Variants in KCND3 observed in about 807,000 individuals in gnomAD.
The protein encoded by KCND3 is potassium voltage-gated channel subfamily D member 3, also known as A-type voltage-gated potassium channel KCND3.
A neutral mutation model predicts 51.1 loss-of-function variants in KCND3; 9 were observed. The observed-to-expected ratio is 0.18, with a 90% CI of 0.11 to 0.31. KCND3 has a LOEUF of 0.31. Among genes scored for constraint, KCND3 ranks in the 10% least tolerant of loss-of-function variants. The pLI is 1.00. For synonymous variants in KCND3, 349 were observed against 368.0 expected, an observed-to-expected ratio of 0.95 and a Z score of 0.59; for missense variants, 526 against 903.8, an observed-to-expected ratio of 0.58 and a Z score of 5.36.
intron 2 of KCND3, among the ~76,000 whole-genome samples, chr1:111,978,021 G>C (rs926969579): frequency 5.3e-5 from 8 of 152,152 alleles, no homozygotes; most frequent in Non-Finnish European, 1.2e-4. Context: ...AAGCATAAAG[G>C]GTCTTCCCCA....
intron 2 of KCND3, among the ~76,000 whole-genome samples, chr1:111,795,463 A>G (rs2101527958): frequency 6.6e-6 from 1 of 152,364 alleles, no homozygotes; most frequent in East Asian, 1.9e-4. Context: ...TCATAAACTT[A>G]CAAGGTACTA....
At chr1:111,803,889 T>C (rs1665439643) in intron 2 of KCND3, among the ~76,000 whole-genome samples, 1 of 152,346 alleles carries the variant, frequency 6.6e-6, no homozygotes, top group East Asian at 1.9e-4. Flanking sequence ...ATTTTGCGCA[T>C]GTGACAAACA....
Position 111,982,700 on chromosome 1 carries a change from C to G in KCND3, c.27G>C (p.Leu9=). 4.4e-6 allele frequency: 7 copies of G among 1,606,782 alleles called. 1 individual carries two copies. Residue 9 remains leucine, a synonymous_variant, in exon 2 of 8, where the codon CTG becomes CTC. Transcript: ENST00000302127. The surrounding 1 kb of genome is among the most constrained non-coding windows in gnomAD (Gnocchi z 8.5). MAAGVAAW[L]PFARAAAIGW... ...CGATGGCCGCAGCCCGGGCAAAAGG[C>G]AGCCAGGCCGCAACTCCGGCCGCCA...
chr1:111,944,549 C>T (rs775351668), intron 2 of KCND3, among the ~76,000 whole-genome samples: 8 of 152,180 alleles, frequency 5.3e-5, no homozygotes, highest in Non-Finnish European at 2.9e-5. Context: ...AGGGTGAGTC[C>T]CAGCTGCCCC....
intron 2 of KCND3, among the ~76,000 whole-genome samples, chr1:111,939,013 C>T (rs575266982): frequency 6.4e-4 from 97 of 152,274 alleles, no homozygotes; most frequent in Admixed American, 2.4e-3. Context: ...ATGTGTGGTT[C>T]CCAGACCAGC....
At chr1:111,830,340 A>C (rs956217623) in intron 2 of KCND3, among the ~76,000 whole-genome samples, 1 of 152,236 alleles carries the variant, frequency 6.6e-6, no homozygotes, top group African/African-American at 2.4e-5. Flanking sequence ...ATCTGGGCCC[A>C]GTGCGGTTCC....
At chr1:111,827,450 C>G (rs562319342) in intron 2 of KCND3, among the ~76,000 whole-genome samples, 5 of 152,144 alleles carry the variant, frequency 3.3e-5, no homozygotes, top group Non-Finnish European at 7.4e-5. Flanking sequence ...GCCAGGGGTC[C>G]CAGGACACTA....
intron 2 of KCND3, among the ~76,000 whole-genome samples, chr1:111,966,805 G>C (rs1674014098): frequency 6.6e-6 from 1 of 152,126 alleles, no homozygotes. Flanking sequence ...GAGGAGGTTG[G>C]TGATCACTGA....
chr1:111,952,824 GGAAA>G (rs1460041519), intron 2 of KCND3, among the ~76,000 whole-genome samples: 1 of 152,106 alleles, frequency 6.6e-6, no homozygotes, highest in Non-Finnish European at 1.5e-5. Context: ...GCAAGGGGAG[GGAAA>G]GAGACAAGGG....
chr1:111,837,912 C>G (rs692982), intron 2 of KCND3, among the ~76,000 whole-genome samples: 52,210 of 151,952 alleles, frequency 0.34, 9,368 homozygotes, highest in East Asian at 0.65. Context: ...TGGAATTTGT[C>G]TGATATTTTT....
chr1:111,951,752 G>A (rs2165987), intron 2 of KCND3, among the ~76,000 whole-genome samples: 55,812 of 151,994 alleles, frequency 0.37, 10,506 homozygotes, highest in Admixed American at 0.42. Context: ...GAAGAAGCTG[G>A]GTTGGAGTTT....
intron 2 of KCND3, among the ~76,000 whole-genome samples, chr1:111,817,287 T>C (rs573545852): frequency 1.3e-5 from 2 of 152,060 alleles, no homozygotes; most frequent in African/African-American, 2.4e-5. Flanking sequence ...ATAGTCCTGG[T>C]GGGGATGCAT....
intron 2 of KCND3, among the ~76,000 whole-genome samples, chr1:111,929,347 T>C (rs1346027558): frequency 1.3e-5 from 2 of 152,166 alleles, no homozygotes; most frequent in African/African-American, 4.8e-5. Context: ...AGCCTCCCGC[T>C]TCCCCAGCCA....
At chr1:111,857,234 T>C (rs1307325304) in intron 2 of KCND3, among the ~76,000 whole-genome samples, 1 of 152,132 alleles carries the variant, frequency 6.6e-6, no homozygotes, top group East Asian at 1.9e-4. Flanking sequence ...ATCATCGCGG[T>C]GTTACAGATG....
At chr1:111,948,157 GC>G (rs1333467733) in intron 2 of KCND3, among the ~76,000 whole-genome samples, 7 of 152,196 alleles carry the variant, frequency 4.6e-5, no homozygotes, top group African/African-American at 1.7e-4. Flanking sequence ...GGGCAAATGG[GC>G]CCCACCATGC....
intron 2 of KCND3, among the ~76,000 whole-genome samples, chr1:111,882,354 C>T (rs943996621): frequency 3.3e-5 from 5 of 152,190 alleles, no homozygotes; most frequent in African/African-American, 9.7e-5. Context: ...GTTTGGATGC[C>T]CAGCAGGGCC....
At chr1:111,978,523 T>A (rs986347423) in intron 2 of KCND3, among the ~76,000 whole-genome samples, 1 of 152,154 alleles carries the variant, frequency 6.6e-6, no homozygotes, top group East Asian at 1.9e-4. Flanking sequence ...CAACTAACCA[T>A]GAATGTGGTC....
intron 2 of KCND3, among the ~76,000 whole-genome samples, chr1:111,851,392 T>G (rs935388145): frequency 6.6e-6 from 1 of 152,220 alleles, no homozygotes; most frequent in African/African-American, 2.4e-5. Flanking sequence ...GCAGTTTCCT[T>G]GAGTCCTTAA....
Position 111,913,598 on chromosome 1 carries a change from A to G in KCND3, c.1106+68023T>C, listed in dbSNP as rs576597747. ...AAAGAAATCAGTGGCTAAGGTAGTA[A>G]AATTAACTATGTCTGGCATCTAATA... On this transcript the variant is annotated intron_variant, in intron 2 of 7. Transcript: ENST00000302127. Among the ~76,000 whole-genome samples, 18 of 152,336 alleles carry G rather than the reference A, an allele frequency of 1.2e-4. No homozygotes were observed. The East Asian group carries it at 2.5e-3, about 21-fold the overall frequency.
Sources: gnomAD v4.1 joint callset for allele counts (sites outside exome capture counted in the v4.1 genomes callset) on GRCh38, gnomAD v4.1.1 for gene constraint, Gnocchi (gnomAD v3.1) non-coding constraint, MANE v1.5 for transcripts, NCBI Gene and HGNC (gene_info 2026-07-23, HGNC 2026-07-21) for gene names.